Variants in SLC35D4 observed in about 807,000 individuals in gnomAD.
The protein encoded by SLC35D4 is UDP-N-acetylglucosamine transporter SLC35D4.
chr18:23,391,216 C>G, the SLC35D4 span, among the ~76,000 whole-genome samples: 1 of 145,020 alleles, frequency 6.9e-6, no homozygotes, highest in Non-Finnish European at 1.5e-5. Context: ...GAGCAAGACT[C>G]TGAAAGAAAA....
the SLC35D4 span, among the ~76,000 whole-genome samples, chr18:23,276,807 T>C: frequency 6.6e-6 from 1 of 152,136 alleles, no homozygotes; most frequent in Non-Finnish European, 1.5e-5. Context: ...CTGCCTCCCC[T>C]TGCCAGGAGT....
chr18:23,251,839 AC>A, the SLC35D4 span, among the ~76,000 whole-genome samples: 1 of 152,132 alleles, frequency 6.6e-6, no homozygotes, highest in South Asian at 2.1e-4. Context: ...TAATCCCAGA[AC>A]TTTGGGAGGC....
At chr18:23,407,895 A>G in the SLC35D4 span, among the ~76,000 whole-genome samples, 3 of 152,302 alleles carry the variant, frequency 2.0e-5, no homozygotes, top group East Asian at 5.8e-4. Flanking sequence ...ATCCTTGGAT[A>G]TGAGTAAAGT....
At chr18:23,243,329 A>AGGGC in the SLC35D4 span, among the ~76,000 whole-genome samples, 1 of 152,104 alleles carries the variant, frequency 6.6e-6, no homozygotes, top group Non-Finnish European at 1.5e-5. Context: ...TGAGGCTTGA[A>AGGGC]GGGCGCCCTC....
the SLC35D4 span, among the ~76,000 whole-genome samples, chr18:23,278,870 C>T: frequency 2.6e-5 from 4 of 151,870 alleles, no homozygotes; most frequent in South Asian, 2.1e-4. Context: ...AAATATTAGC[C>T]GGGTGTGGTG....
At chr18:23,430,627 T>G in the SLC35D4 span, 1 of 1,607,498 alleles carries the variant, frequency 6.2e-7, no homozygotes, top group African/African-American at 1.3e-5. Flanking sequence ...AAGAAGATAC[T>G]CACCCTTGGA....
chr18:23,250,573 G>A, the SLC35D4 span, among the ~76,000 whole-genome samples: 50 of 152,316 alleles, frequency 3.3e-4, no homozygotes, highest in African/African-American at 1.1e-3. Context: ...AAATAAACCT[G>A]TCTTGGAGGG....
the SLC35D4 span, among the ~76,000 whole-genome samples, chr18:23,248,642 A>G: frequency 2.0e-5 from 3 of 151,246 alleles, no homozygotes; most frequent in African/African-American, 7.3e-5. Flanking sequence ...AGCCTGACCA[A>G]CATGGTGAAA....
chr18:23,376,733 C>T, the SLC35D4 span: 2 of 454,170 alleles, frequency 4.4e-6, no homozygotes, highest in South Asian at 3.1e-5. Flanking sequence ...GAGATCACCC[C>T]AAACAGACAA....
the SLC35D4 span, among the ~76,000 whole-genome samples, chr18:23,355,458 C>T: frequency 6.6e-6 from 1 of 152,166 alleles, no homozygotes; most frequent in Non-Finnish European, 1.5e-5. Flanking sequence ...GCCATGTGAT[C>T]CCAGCTAACG....
chr18:23,260,223 G>A, the SLC35D4 span: 1 of 152,162 alleles, frequency 6.6e-6, no homozygotes, highest in African/African-American at 2.4e-5. Flanking sequence ...TATTTAAACA[G>A]GAAATTCATA....
the SLC35D4 span, among the ~76,000 whole-genome samples, chr18:23,409,874 T>A: frequency 2.0e-5 from 3 of 149,720 alleles, no homozygotes; most frequent in Non-Finnish European, 4.4e-5. Context: ...AGAGGATGGT[T>A]GTATCTGTAT....
the SLC35D4 span, among the ~76,000 whole-genome samples, chr18:23,345,186 T>C: frequency 6.6e-6 from 1 of 151,892 alleles, no homozygotes; most frequent in Non-Finnish European, 1.5e-5. Flanking sequence ...ACACCGTTTG[T>C]TGAAAAAACA....
At chr18:23,340,904 A>G in the SLC35D4 span, among the ~76,000 whole-genome samples, 2 of 152,186 alleles carry the variant, frequency 1.3e-5, no homozygotes, top group African/African-American at 4.8e-5. Context: ...CTGAGAACTC[A>G]AGTCAGTCTG....
At chr18:23,268,803 C>CGTGTGTGT in the SLC35D4 span, among the ~76,000 whole-genome samples, 2 of 149,388 alleles carry the variant, frequency 1.3e-5, no homozygotes, top group African/African-American at 2.5e-5. Context: ...TGTGTGTGTG[C>CGTGTGTGT]GTGTGTGTGT....
chr18:23,319,143 C>T, the SLC35D4 span, among the ~76,000 whole-genome samples: 2 of 152,134 alleles, frequency 1.3e-5, no homozygotes, highest in African/African-American at 2.4e-5. Flanking sequence ...CGCACCCAAC[C>T]TTCATAGTAA....
chr18:23,341,769 C>A, the SLC35D4 span, among the ~76,000 whole-genome samples: 2 of 151,994 alleles, frequency 1.3e-5, no homozygotes, highest in South Asian at 2.1e-4. Context: ...TTGATGTACC[C>A]GAGGCTGGAA....
At chr18:23,257,110 C>A in the SLC35D4 span, 42 of 1,170,794 alleles carry the variant, frequency 3.6e-5, no homozygotes, top group African/African-American at 6.3e-4. Flanking sequence ...CAGAGCTTTG[C>A]CCAAAGTGGA....
At chr18:23,433,692 T>C in the SLC35D4 span, among the ~76,000 whole-genome samples, 1 of 152,188 alleles carries the variant, frequency 6.6e-6, no homozygotes, top group African/African-American at 2.4e-5. Flanking sequence ...ATATCGACCA[T>C]TCTTTCAAAC....
Sources: allele counts gnomAD v4.1 joint callset (sites outside exome capture counted in the v4.1 genomes callset), GRCh38; gene constraint gnomAD v4.1.1; transcripts MANE v1.5; gene names NCBI Gene and HGNC (gene_info 2026-07-23, HGNC 2026-07-21).